NCF2: variants seen among roughly 807,000 people sequenced by gnomAD.
NCF2 encodes the protein neutrophil cytosol factor 2.
A neutral mutation model predicts 70.9 loss-of-function variants in NCF2; 45 were observed. That is an observed-to-expected ratio of 0.63 (90% CI 0.50 to 0.81). The LOEUF is 0.81. Ranked by LOEUF, NCF2 falls within the 40% of genes least tolerant of loss-of-function variation. NCF2 has a pLI of 0.00. For missense variants in NCF2, 522 were observed against 631.6 expected (o/e 0.83, Z 1.86); for synonymous variants, 203 against 233.6 (o/e 0.87, Z 1.19).
At chr1:183,599,885 T>G in the NCF2 span, among the ~76,000 whole-genome samples, 13 of 152,124 alleles carry the variant, frequency 8.5e-5, no homozygotes, top group Admixed American at 5.2e-4. Flanking sequence ...ATTTTCCTGG[T>G]AGGTGAATTG....
intron 2 of NCF2, among the ~76,000 whole-genome samples, chr1:183,578,174 CT>C (rs1292202734): frequency 3.3e-5 from 5 of 152,134 alleles, no homozygotes; most frequent in African/African-American, 1.2e-4. Flanking sequence ...GGAGGGGCCC[CT>C]TCTTATAGCT....
chr1:183,590,614 A>G (rs1673601728), upstream of NCF2: 1 of 481,640 alleles, frequency 2.1e-6, no homozygotes, highest in African/African-American at 2.0e-5. Flanking sequence ...TGGAGGAGAG[A>G]GGAAGTACAT....
rs551128813 is a variant in NCF2, at chr1:183,589,036, C to T, written c.174+1120G>A. The stretch of plus-strand genomic sequence containing the variant: ...CCCCTGAGAGGAGGTGGGGCCATGT[C>T]CTTCCTCCAGCCAGAGGTGGGGGGT... On this transcript the variant is annotated intron_variant, in intron 1 of 14. Transcript: ENST00000367535. Among the ~76,000 whole-genome samples the T allele has an allele frequency of 1.3e-5, 2 of 152,338 alleles. 1 individual carries two copies. The highest frequency in any genetic ancestry group is 4.1e-4 in the South Asian group (2 of 4,826).
At chr1:183,558,226 T>C (rs1301988420) in intron 14 of NCF2, among the ~76,000 whole-genome samples, 1 of 151,936 alleles carries the variant, frequency 6.6e-6, no homozygotes, top group East Asian at 1.9e-4. Flanking sequence ...ATACTCTCTC[T>C]ACCCCCATTA....
intron 1 of NCF2, among the ~76,000 whole-genome samples, chr1:183,588,111 G>C (rs1290889601): frequency 6.6e-6 from 1 of 152,124 alleles, no homozygotes; most frequent in East Asian, 1.9e-4. Context: ...AGTTTGAGTA[G>C]AGTACAATTT....
At chr1:183,561,838 C>T (rs897784428) in intron 13 of NCF2, among the ~76,000 whole-genome samples, 4 of 127,468 alleles carry the variant, frequency 3.1e-5, no homozygotes, top group South Asian at 2.6e-4. Flanking sequence ...CTCTCTGTCA[C>T]CCAGACTGGA....
Position 183,567,224 on chromosome 1 carries a change from T to G in NCF2, c.835A>C (p.Thr279Pro). Residue 279 changes from threonine (T) to proline (P), a missense_variant, in exon 8 of 15, where the codon ACG becomes CCG. Transcript: ENST00000367535. Reference sequence around the variant, plus strand: ...CATACCTGCCCGTTGAACATGACCGTGGCCCAGTTATCATTGCCCTTCTTC... The same window carrying G: ...CATACCTGCCCGTTGAACATGACCGGGGCCCAGTTATCATTGCCCTTCTTC... ...VLKKGNDNWA[T>P]VMFNGQKGLV... is the part of the protein sequence containing the mutation. The G allele has an allele frequency of 6.2e-7, 1 of 1,614,164 alleles. No homozygotes were observed. The highest frequency in any genetic ancestry group is 8.5e-7 in the Non-Finnish European group (1 of 1,180,036).
intron 2 of NCF2, among the ~76,000 whole-genome samples, chr1:183,578,492 T>C (rs1171567813): frequency 6.6e-6 from 1 of 152,060 alleles, no homozygotes; most frequent in Non-Finnish European, 1.5e-5. Context: ...TGAGTGGGAC[T>C]GAGCTGGGAC....
intron 2 of NCF2, among the ~76,000 whole-genome samples, chr1:183,579,738 CAAAAAAAAAAAAA>C (rs397982209): frequency 2.6e-5 from 1 of 38,860 alleles, no homozygotes; most frequent in Non-Finnish European, 5.5e-5. Context: ...GACTCTGTCT[CAAAAAAAAAAAAA>C]AAAAAAAAAA....
In NCF2 at chr1:183,555,809, C is replaced by A; in HGVS notation, c.*309G>T. On this transcript the variant is annotated 3_prime_UTR_variant, in exon 15 of 15. Transcript: ENST00000367535. ...TTACAGTGTGAACACAGCTGGCTAG[C>A]TAGCACTCAGAGCAAGAAACAGGAT... 2.3e-6 allele frequency: 1 copy of A among 430,250 alleles called. No homozygotes were observed. The highest frequency in any genetic ancestry group is 2.5e-5 in the South Asian group (1 of 39,372). The allele number at this position is 430,250 out of a possible 1,614,324, so 26.7% of individuals were successfully genotyped here.
chr1:183,567,477 T>C (rs751675908), intron 7 of NCF2, 132 bp from the exon 8 acceptor site: 57 of 1,290,148 alleles, frequency 4.4e-5, no homozygotes, highest in Non-Finnish European at 6.1e-5. Context: ...ACTGCCGAGA[T>C]GACACTGAGC....
chr1:183,577,475 C>A, intron 3 of NCF2, 124 bp downstream of exon 3: 1 of 764,586 alleles, frequency 1.3e-6, no homozygotes, highest in Non-Finnish European at 2.4e-6. Flanking sequence ...AGTCTCAAGG[C>A]AGAGGAGGCA....
At chr1:183,599,446 C>CTTTCTT in the NCF2 span, among the ~76,000 whole-genome samples, 1 of 94,160 alleles carries the variant, frequency 1.1e-5, no homozygotes, top group Admixed American at 1.2e-4. Context: ...TTCTTTCTTT[C>CTTTCTT]TTTCTTTCTT....
chr1:183,565,810 C>T lies in NCF2; in HGVS notation c.925-31G>A, dbSNP rs35504102. The T allele has an allele frequency of 2.6e-3, 4,169 of 1,610,958 alleles. 95 individuals are homozygous for T. In the African/African-American group the frequency reaches 0.048, roughly 19 times the overall value. On this transcript the variant is annotated intron_variant, in intron 9 of 14. Transcript: ENST00000367535. Reference sequence around the variant, plus strand: ...GGCAACAGGGAGCGACGGTCAGAACCTTCATTCAAAGTTCCCAGGCAGGGG... The same window carrying T: ...GGCAACAGGGAGCGACGGTCAGAACTTTCATTCAAAGTTCCCAGGCAGGGG...
chr1:183,569,020 A>G (rs909174356), intron 7 of NCF2, 122 bp downstream of exon 7: 4 of 913,224 alleles, frequency 4.4e-6, no homozygotes, highest in Non-Finnish European at 7.2e-6. Flanking sequence ...GAAGCCTGAC[A>G]TTCCAGAAAA....
upstream of NCF2, among the ~76,000 whole-genome samples, chr1:183,593,468 T>C (rs3754516): frequency 0.45 from 68,416 of 151,868 alleles, 15,846 homozygotes; most frequent in African/African-American, 0.53. Flanking sequence ...TGCCCTGTGC[T>C]CATTCCAGGT....
chr1:183,567,879 T>TCTGAG (rs1672381450), intron 7 of NCF2, among the ~76,000 whole-genome samples: 1 of 152,162 alleles, frequency 6.6e-6, no homozygotes. Context: ...GCTCTGAGGC[T>TCTGAG]GCCCAGCTGC....
At chr1:183,566,899 C>A (rs368017482) in intron 9 of NCF2, 21 bp downstream of exon 9, 1 of 1,613,448 alleles carries the variant, frequency 6.2e-7, no homozygotes. Context: ...GGAAATGGGT[C>A]AGGCCTTGGC....
intron 14 of NCF2, among the ~76,000 whole-genome samples, chr1:183,558,575 A>AT (rs924592083): frequency 2.3e-5 from 3 of 129,238 alleles, no homozygotes; most frequent in East Asian, 2.3e-4. Context: ...GCCTATTTTT[A>AT]TTTTTTTTAA....
Sources: gnomAD v4.1 joint callset for allele counts (sites outside exome capture counted in the v4.1 genomes callset) on GRCh38, gnomAD v4.1.1 for gene constraint, MANE v1.5 for transcripts, NCBI Gene and HGNC (gene_info 2026-07-23, HGNC 2026-07-21) for gene names.